Variants in NRXN1 observed in about 807,000 individuals in gnomAD.
NRXN1 encodes the protein neurexin-1.
NRXN1 carries 39 observed loss-of-function variants against 150.9 expected under a neutral mutation model. That is an observed-to-expected ratio of 0.26 (90% CI 0.20 to 0.34). NRXN1 has a LOEUF of 0.34. Among genes scored for constraint, NRXN1 ranks in the 10% least tolerant of loss-of-function variants. The pLI is 1.00. For missense variants in NRXN1, 1,815 were observed against 1,949.9 expected, an observed-to-expected ratio of 0.93 and a Z score of 1.30; for synonymous variants, 924 against 757.0, an observed-to-expected ratio of 1.22 and a Z score of -3.62.
At chr2:50,362,409 C>T (rs1449016043) in intron 17 of NRXN1, among the ~76,000 whole-genome samples, 2 of 152,156 alleles carry the variant, frequency 1.3e-5, no homozygotes, top group Non-Finnish European at 2.9e-5. Flanking sequence ...TCTCAGGATA[C>T]AAAATCAATG....
intron 19 of NRXN1, among the ~76,000 whole-genome samples, chr2:50,089,360 T>G (rs536214802): frequency 4.3e-4 from 65 of 152,336 alleles, no homozygotes; most frequent in African/African-American, 1.5e-3. Context: ...GACCTTACCC[T>G]ACTATATATT....
At chr2:49,936,692 T>G (rs770008213) in intron 22 of NRXN1, among the ~76,000 whole-genome samples, 1 of 151,496 alleles carries the variant, frequency 6.6e-6, no homozygotes, top group African/African-American at 2.4e-5. Flanking sequence ...GTTAAGAGCT[T>G]TTCTAAAGTG....
chr2:50,184,669 T>A (rs1403006584), intron 18 of NRXN1, among the ~76,000 whole-genome samples: 3 of 151,850 alleles, frequency 2.0e-5, no homozygotes, highest in African/African-American at 7.3e-5. Flanking sequence ...AACTCTCATT[T>A]CATTTGAGCC....
intron 5 of NRXN1, among the ~76,000 whole-genome samples, chr2:50,636,749 T>C (rs908988280): frequency 3.9e-5 from 6 of 152,144 alleles, no homozygotes; most frequent in Non-Finnish European, 8.8e-5. Context: ...CTACTAGATG[T>C]AAATTTCCTA....
At chr2:50,517,071 C>T (rs778726500) in intron 12 of NRXN1, among the ~76,000 whole-genome samples, 1 of 152,238 alleles carries the variant, frequency 6.6e-6, no homozygotes, top group African/African-American at 2.4e-5. Flanking sequence ...CCTTGAGCAA[C>T]CTTCTTACTT....
intron 8 of NRXN1, among the ~76,000 whole-genome samples, chr2:50,592,901 T>G (rs749219733): frequency 1.4e-4 from 21 of 152,206 alleles, no homozygotes; most frequent in Non-Finnish European, 2.5e-4. Flanking sequence ...AAGCTTGTCA[T>G]AAAGATGGGG....
At chr2:50,459,789 G>C (rs114268376) in intron 17 of NRXN1, among the ~76,000 whole-genome samples, 4,748 of 152,068 alleles carry the variant, frequency 0.031, 107 homozygotes, top group Middle Eastern at 0.054. Flanking sequence ...TCTTCAGTTT[G>C]TTCACACGGG....
intron 17 of NRXN1, among the ~76,000 whole-genome samples, chr2:50,246,415 C>A (rs1275390394): frequency 1.3e-5 from 2 of 151,972 alleles, no homozygotes; most frequent in African/African-American, 4.8e-5. Flanking sequence ...ATAGAAGGGA[C>A]CATGCAAACA....
chr2:51,005,009 C>G (rs1700537245), intron 2 of NRXN1, among the ~76,000 whole-genome samples: 1 of 151,918 alleles, frequency 6.6e-6, no homozygotes, highest in Admixed American at 6.6e-5. Context: ...ACATACATAT[C>G]TACTACATAT....
At chr2:50,633,403 A>C (rs962653574) in intron 5 of NRXN1, among the ~76,000 whole-genome samples, 13 of 152,158 alleles carry the variant, frequency 8.5e-5, no homozygotes, top group African/African-American at 3.1e-4. Flanking sequence ...AGGGTAATAA[A>C]TATGTGATAA....
At chr2:50,814,287 A>T (rs1163436982) in intron 5 of NRXN1, among the ~76,000 whole-genome samples, 1 of 152,080 alleles carries the variant, frequency 6.6e-6, no homozygotes, top group Admixed American at 6.6e-5. Flanking sequence ...GTGAGCTGCC[A>T]CACCTGCCTT....
chr2:50,554,692 C>T (rs1374043855), intron 8 of NRXN1, among the ~76,000 whole-genome samples: 2 of 151,998 alleles, frequency 1.3e-5, no homozygotes, highest in South Asian at 2.1e-4. Flanking sequence ...TAAATTTATC[C>T]ATAGGAAAAC....
intron 5 of NRXN1, among the ~76,000 whole-genome samples, chr2:50,658,968 T>C (rs1686898546): frequency 6.6e-6 from 1 of 152,026 alleles, no homozygotes; most frequent in South Asian, 2.1e-4. Flanking sequence ...AAATGAGCCA[T>C]GAACTCAAAA....
At chr2:50,384,342 T>A (rs1053958697) in intron 17 of NRXN1, among the ~76,000 whole-genome samples, 4 of 151,594 alleles carry the variant, frequency 2.6e-5, no homozygotes, top group African/African-American at 9.7e-5. Flanking sequence ...CCATCTCTAC[T>A]AAAAATACAA....
intron 19 of NRXN1, among the ~76,000 whole-genome samples, chr2:50,081,074 T>C (rs971327053): frequency 4.6e-5 from 7 of 152,210 alleles, no homozygotes; most frequent in Non-Finnish European, 4.4e-5. Context: ...GATAGAATGT[T>C]CTACTTTATT....
chr2:50,882,698 G>A (rs1232545914), intron 5 of NRXN1, among the ~76,000 whole-genome samples: 1 of 151,668 alleles, frequency 6.6e-6, no homozygotes, highest in African/African-American at 2.4e-5. Context: ...AATAATTTTG[G>A]GGATCTGGAA....
chr2:50,252,202 T>C (rs887514186), intron 17 of NRXN1, among the ~76,000 whole-genome samples: 5 of 150,492 alleles, frequency 3.3e-5, no homozygotes, highest in African/African-American at 9.7e-5. Flanking sequence ...TTTAACTTTT[T>C]TAAAATTTTA....
chr2:50,969,848 T>C (rs907241582), intron 2 of NRXN1, among the ~76,000 whole-genome samples: 5 of 152,148 alleles, frequency 3.3e-5, no homozygotes, highest in Admixed American at 1.3e-4. Flanking sequence ...TTATTTAATA[T>C]GTATATATGG....
At chr2:50,565,557 C>T (rs1440395926) in intron 8 of NRXN1, among the ~76,000 whole-genome samples, 1 of 152,100 alleles carries the variant, frequency 6.6e-6, no homozygotes, top group African/African-American at 2.4e-5. Flanking sequence ...AATATCCTGA[C>T]ATGTCTTCTG....
Sources: gnomAD v4.1 joint callset for allele counts (sites outside exome capture counted in the v4.1 genomes callset) on GRCh38, gnomAD v4.1.1 for gene constraint, MANE v1.5 for transcripts, NCBI Gene and HGNC (gene_info 2026-07-23, HGNC 2026-07-21) for gene names.